The following STX16 variants were observed in gnomAD, a reference collection of about 807,000 sequenced individuals.
The protein encoded by STX16 is syntaxin-16.
STX16 carries 28 observed loss-of-function variants against 42.7 expected under a neutral mutation model. That is an observed-to-expected ratio of 0.66 (90% CI 0.49 to 0.90). The LOEUF (loss-of-function observed/expected upper bound fraction) is 0.90. Among genes scored for constraint, STX16 ranks in the 40% least tolerant of loss-of-function variants. The pLI, the probability that STX16 is intolerant of heterozygous loss-of-function variation, is 0.00. For missense variants in STX16, 361 were observed against 420.9 expected, an observed-to-expected ratio of 0.86 and a Z score of 1.24; for synonymous variants, 156 against 155.2, an observed-to-expected ratio of 1.00 and a Z score of -0.04.
At chr20:58,672,252 A>C (rs1568828611) in intron 7 of STX16, among the ~76,000 whole-genome samples, 9 of 152,202 alleles carry the variant, frequency 5.9e-5, no homozygotes, top group Admixed American at 5.2e-4. Flanking sequence ...GGATCGCTTG[A>C]ACCTGGGAGG....
In STX16 at chr20:58,669,319, A is replaced by G. The variant is rs772174293; in HGVS notation, c.422A>G (p.Gln141Arg). Reference protein sequence around the residue: ...QLFHRCQRAVQALPSRARACS... With the variant: ...QLFHRCQRAVRALPSRARACS... ...TTCCACAGGTGCCAGCGTGCCGTGC[A>G]GGCCCTGCCGAGCCGGGCCCGGGCC... Residue 141 changes from glutamine to arginine, a missense_variant, in exon 5 of 9, where the codon CAG (glutamine) becomes CGG (arginine). Gln to Arg is a conservative substitution (Grantham distance 43). Coordinates refer to ENST00000371141, the MANE Select transcript of STX16 (RefSeq NM_001001433.3). 13 of 1,611,066 alleles carry G rather than the reference A, an allele frequency of 8.1e-6. No homozygotes were observed. In the African/African-American group the frequency reaches 1.2e-4, roughly 15 times the overall value.
In STX16 at chr20:58,670,377, T is replaced by C. The variant is rs1452690430; in HGVS notation, c.557-135T>C. On this transcript the variant is annotated intron_variant, in intron 5 of 8. Coordinates refer to ENST00000371141, the MANE Select transcript of STX16 (RefSeq NM_001001433.3). ...ACTCTCCCTCCACCCCCATTGGAGA[T>C]AGGCTTCTTTAAAGCGGCTAAGAAT... The C allele has an allele frequency of 4.6e-6, 3 of 646,914 alleles. No individual in the cohort carries two copies. In the Admixed American group the frequency reaches 7.4e-5, roughly 16 times the overall value. The allele number at this position is 646,914 out of a possible 1,614,324, so 40.1% of individuals were successfully genotyped here.
At position 58,677,362 on chromosome 20, in the gene STX16, A is replaced by C. The variant is rs1422373739; in HGVS notation, c.*1071A>C. 2.6e-5 allele frequency: 4 copies of C among 152,652 alleles called. No individual in the cohort carries two copies. The highest frequency in any genetic ancestry group is 9.7e-5 in the African/African-American group (4 of 41,450). 9.5% of individuals were successfully genotyped at this position (152,652 alleles called of 1,614,324 possible). The stretch of plus-strand genomic sequence containing the variant: ...AGCGATTTGATTTATTGGCTCTTCC[A>C]TTGCCACTGAGCAATGCCCAGGAAG... On this transcript the variant is annotated 3_prime_UTR_variant, in exon 9 of 9. Coordinates refer to ENST00000371141, the MANE Select transcript of STX16 (RefSeq NM_001001433.3).
In STX16 at chr20:58,669,334, G is replaced by A. The variant is rs761484020; in HGVS notation, c.437G>A (p.Arg146Gln). ...CQRAVQALPS[R>Q]ARACSEQEGR... ...CGTGCCGTGCAGGCCCTGCCGAGCCGGGCCCGGGCCTGCTCCGAGCAGGAG... is the reference window on the plus strand; with the variant it reads ...CGTGCCGTGCAGGCCCTGCCGAGCCAGGCCCGGGCCTGCTCCGAGCAGGAG... The change falls in exon 5 of 9, where the codon CGG becomes CAG. Residue 146 changes from arginine to glutamine, a missense_variant. Transcript: ENST00000371141. The A allele has an allele frequency of 9.3e-6, 15 of 1,611,800 alleles. No homozygotes were observed. Among genetic ancestry groups the A allele is most frequent in the East Asian group, 2.2e-5 (1 of 44,832 alleles).
intron 8 of STX16, among the ~76,000 whole-genome samples, chr20:58,674,816 T>C (rs2123022839): frequency 6.6e-6 from 1 of 152,368 alleles, no homozygotes; most frequent in South Asian, 2.1e-4. Flanking sequence ...ACCCAGGTTT[T>C]GATGTGCTGC....
At position 58,669,337 on chromosome 20, in the gene STX16, C is replaced by G; in HGVS notation, c.440C>G (p.Ala147Gly). 6.2e-7 allele frequency: 1 copy of G among 1,612,092 alleles called. No homozygotes were observed. Among genetic ancestry groups the G allele is most frequent in the South Asian group, 1.1e-5 (1 of 91,018 alleles). ...GCCGTGCAGGCCCTGCCGAGCCGGGCCCGGGCCTGCTCCGAGCAGGAGGGG... is the reference window on the plus strand; with the variant it reads ...GCCGTGCAGGCCCTGCCGAGCCGGGGCCGGGCCTGCTCCGAGCAGGAGGGG... ...QRAVQALPSR[A>G]RACSEQEGRL... Residue 147 changes from alanine to glycine, a missense_variant, in exon 5 of 9, where the codon GCC becomes GGC. Physicochemically the swap from Ala to Gly is moderately conservative, Grantham distance 60. Transcript: ENST00000371141.
intron 1 of STX16, among the ~76,000 whole-genome samples, chr20:58,655,414 C>T (rs1323801237): frequency 6.6e-6 from 1 of 152,128 alleles, no homozygotes; most frequent in South Asian, 2.1e-4. Context: ...CCTGTGCGTG[C>T]ATACAGGGTT....
At chr20:58,653,820 G>A (rs959930226) in intron 1 of STX16, among the ~76,000 whole-genome samples, 4 of 149,678 alleles carry the variant, frequency 2.7e-5, no homozygotes, top group African/African-American at 7.4e-5. Flanking sequence ...AATCATTAAG[G>A]TTCAAAATAC....
At chr20:58,660,739 T>TTTC (rs71181973) in intron 2 of STX16, among the ~76,000 whole-genome samples, 1 of 139,436 alleles carries the variant, frequency 7.2e-6, no homozygotes, top group East Asian at 2.1e-4. Context: ...TTTTTTTTTT[T>TTTC]CAGGAAAAAT....
chr20:58,661,900 C>T (rs939111722), intron 2 of STX16, among the ~76,000 whole-genome samples: 9 of 152,164 alleles, frequency 5.9e-5, no homozygotes, highest in African/African-American at 2.2e-4. Flanking sequence ...CTTGCATCTC[C>T]CAGAGTAAAG....
At chr20:58,674,293 T>C (rs558063806) in intron 8 of STX16, among the ~76,000 whole-genome samples, 1 of 152,314 alleles carries the variant, frequency 6.6e-6, no homozygotes, top group African/African-American at 2.4e-5. Flanking sequence ...GTTTTTATGA[T>C]ATTCTCTTTT....
chr20:58,660,588 C>G (rs2083675449), intron 2 of STX16, among the ~76,000 whole-genome samples: 1 of 152,074 alleles, frequency 6.6e-6, no homozygotes, highest in African/African-American at 2.4e-5. Context: ...TGTAGCATCT[C>G]TGACCCTCTG....
At chr20:58,674,889 AAC>A (rs1296184488) in intron 8 of STX16, among the ~76,000 whole-genome samples, 2 of 152,248 alleles carry the variant, frequency 1.3e-5, no homozygotes, top group Non-Finnish European at 2.9e-5. Flanking sequence ...TTTGTAATAT[AAC>A]ACAGATAAAA....
At chr20:58,675,427 C>G (rs1352856552) in intron 8 of STX16, among the ~76,000 whole-genome samples, 1 of 152,222 alleles carries the variant, frequency 6.6e-6, no homozygotes, top group Non-Finnish European at 1.5e-5. Context: ...TCTCAGTGCT[C>G]TGCGTCTTTC....
chr20:58,671,723 T>C (rs1568828097), intron 7 of STX16, among the ~76,000 whole-genome samples: 1 of 152,004 alleles, frequency 6.6e-6, no homozygotes, highest in African/African-American at 2.4e-5. Flanking sequence ...CTAATAATCA[T>C]AGTACCATCC....
rs1447030647 is a variant in STX16 at position 58,651,497 on chromosome 20, C to T, written c.-510C>T. The T allele has an allele frequency of 6.4e-6, 1 of 155,116 alleles. No homozygotes were observed. The highest frequency in any genetic ancestry group is 1.9e-4 in the East Asian group (1 of 5,206). 9.6% of individuals were successfully genotyped at this position (155,116 alleles called of 1,614,324 possible). ...TCGAGTCCAGGCCCCAAGCCTGGCT[C>T]CGGTTGTCCAAAGAGGGCCTAGGCC... On this transcript the variant is annotated 5_prime_UTR_variant, in exon 1 of 9. Coordinates refer to ENST00000371141, the MANE Select transcript of STX16 (RefSeq NM_001001433.3).
chr20:58,659,660 T>C (rs1644880245), intron 2 of STX16, 26 bp downstream of exon 2: 2 of 1,611,230 alleles, frequency 1.2e-6, no homozygotes, highest in Admixed American at 1.7e-5. Flanking sequence ...TATTTTTATA[T>C]GTTGGGTAAT....
At chr20:58,662,992 C>A (rs1285370953) in intron 2 of STX16, among the ~76,000 whole-genome samples, 1 of 152,180 alleles carries the variant, frequency 6.6e-6, no homozygotes, top group Non-Finnish European at 1.5e-5. Context: ...ATTTCTTAAG[C>A]CTAATTGTCT....
chr20:58,673,543 G>T (rs2084032477), intron 7 of STX16, 88 bp from the exon 8 acceptor site: 1 of 867,980 alleles, frequency 1.2e-6, no homozygotes, highest in Non-Finnish European at 1.9e-6. Context: ...TATGGATGAT[G>T]ATGTCTGTAA....
Sources: gnomAD v4.1 joint callset for allele counts (sites outside exome capture counted in the v4.1 genomes callset) on GRCh38, gnomAD v4.1.1 for gene constraint, MANE v1.5 for transcripts, NCBI Gene and HGNC (gene_info 2026-07-23, HGNC 2026-07-21) for gene names.